Variants in ZNF180 observed in about 807,000 individuals in gnomAD.
The protein encoded by ZNF180 is zinc finger protein 180 (HHZ168).
In ZNF180, 11 loss-of-function variants were observed where a neutral mutation model predicts 11.8. That is an observed-to-expected ratio of 0.93 (90% CI 0.59 to 1.55). The LOEUF (loss-of-function observed/expected upper bound fraction) is 1.55. Ranked by LOEUF, ZNF180 falls within the 40% of genes most tolerant of loss-of-function variation. The pLI is 0.00. For synonymous variants in ZNF180, 287 were observed against 257.7 expected (o/e 1.11, Z -1.09); for missense variants, 773 against 781.7 (o/e 0.99, Z 0.13).
intron 2 of ZNF180, chr19:44,484,637 G>T: frequency 1.7e-6 from 1 of 587,610 alleles, no homozygotes; most frequent in East Asian, 2.9e-5. Flanking sequence ...GGAGCACCAA[G>T]GCCCACAGAT....
intron 2 of ZNF180, among the ~76,000 whole-genome samples, chr19:44,487,819 G>A (rs1448613324): frequency 2.6e-5 from 4 of 152,104 alleles, no homozygotes; most frequent in East Asian, 1.9e-4. Context: ...CTCCACCTCC[G>A]GGGTTCAAGT....
In ZNF180 at chr19:44,497,270, G is replaced by A. The variant is rs368440770; in HGVS notation, c.51+14C>T. 1.3e-6 allele frequency: 2 copies of A among 1,554,824 alleles called. No individual in the cohort carries two copies. Among genetic ancestry groups the A allele is most frequent in the South Asian group, 1.2e-5 (1 of 83,618 alleles). On this transcript the variant is annotated intron_variant, in intron 2 of 4. Coordinates refer to ENST00000592529, the MANE Select transcript of ZNF180 (RefSeq NM_001278509.3). ...CAGGCTGCAGACAGACCCAAGCTCT[G>A]GGTCTCCACTCACCTGTGCACAGAC...
At chr19:44,488,981 C>T (rs1488545765) in intron 2 of ZNF180, among the ~76,000 whole-genome samples, 4 of 150,020 alleles carry the variant, frequency 2.7e-5, no homozygotes, top group African/African-American at 9.9e-5. Flanking sequence ...GTGAGGAGCC[C>T]CTCCGCCCGG....
chr19:44,478,234 T>C, intron 4 of ZNF180, 88 bp from the exon 5 acceptor site: 1 of 1,348,624 alleles, frequency 7.4e-7, no homozygotes, highest in South Asian at 1.6e-5. Context: ...ATGAAAAATA[T>C]ATATGAATTT....
At chr19:44,499,503 A>T (rs1032117387) in intron 1 of ZNF180, among the ~76,000 whole-genome samples, 1 of 152,088 alleles carries the variant, frequency 6.6e-6, no homozygotes, top group African/African-American at 2.4e-5. Context: ...GTCTCTGCCC[A>T]TCTTGAATGC....
intron 2 of ZNF180, among the ~76,000 whole-genome samples, chr19:44,485,390 A>T (rs1272691193): frequency 1.2e-4 from 19 of 152,236 alleles, no homozygotes; most frequent in Admixed American, 1.2e-3. Flanking sequence ...CCATAAGTTC[A>T]CATGGATACC....
At chr19:44,493,303 C>T (rs978101996) in intron 2 of ZNF180, among the ~76,000 whole-genome samples, 3 of 152,202 alleles carry the variant, frequency 2.0e-5, no homozygotes, top group Admixed American at 6.5e-5. Context: ...TCAAGGCCTT[C>T]GCTGGACCAG....
intron 3 of ZNF180, among the ~76,000 whole-genome samples, chr19:44,483,882 C>A (rs1261397406): frequency 1.3e-5 from 2 of 152,112 alleles, no homozygotes; most frequent in East Asian, 3.8e-4. Context: ...TTAAAAAAAA[C>A]CCTCAATCTC....
In ZNF180 at chr19:44,497,731, T is replaced by A. The variant is rs111244856; in HGVS notation, c.-43-354A>T. Among the ~76,000 whole-genome samples, 961 of 152,074 alleles carry A rather than the reference T, an allele frequency of 6.3e-3. 5 individuals are homozygous for A. The highest frequency in any genetic ancestry group is 0.022 in the African/African-American group (898 of 41,470). Reference sequence around the variant, plus strand: ...CTGGGCCCTGGGATCCCCACAAATATCAGGCATATTGAGGACCCCCTGGTG... The same window carrying A: ...CTGGGCCCTGGGATCCCCACAAATAACAGGCATATTGAGGACCCCCTGGTG... On this transcript the variant is annotated intron_variant, in intron 1 of 4. Coordinates refer to ENST00000592529, the MANE Select transcript of ZNF180 (RefSeq NM_001278509.3).
At chr19:44,481,964 A>G (rs1970092489) in intron 3 of ZNF180, among the ~76,000 whole-genome samples, 1 of 152,180 alleles carries the variant, frequency 6.6e-6, no homozygotes, top group Non-Finnish European at 1.5e-5. Context: ...CTCATGCCTG[A>G]AAACTCCTTC....
intron 1 of ZNF180, among the ~76,000 whole-genome samples, chr19:44,499,513 C>T (rs1970681175): frequency 6.6e-6 from 1 of 152,174 alleles, no homozygotes; most frequent in Non-Finnish European, 1.5e-5. Flanking sequence ...ATCTTGAATG[C>T]TCTAGAGCTC....
chr19:44,479,481 T>C (rs1480268500), intron 3 of ZNF180, 72 bp from the exon 4 acceptor site: 4 of 1,590,050 alleles, frequency 2.5e-6, no homozygotes, highest in Admixed American at 3.7e-5. Flanking sequence ...AGGAAAAGTC[T>C]GACAGATGGA....
chr19:44,496,576 G>A (rs918145597), intron 2 of ZNF180: 2 of 150,408 alleles, frequency 1.3e-5, no homozygotes, highest in South Asian at 2.1e-4. Context: ...AGGCGGCTGA[G>A]GCAGGAGGAT....
At chr19:44,479,257 T>G (rs777313218) in intron 4 of ZNF180, 26 bp downstream of exon 4, 6 of 1,600,988 alleles carry the variant, frequency 3.7e-6, no homozygotes, top group Non-Finnish European at 5.1e-6. Context: ...TAGATGGATC[T>G]TCATTAAAGA....
intron 3 of ZNF180, 123 bp downstream of exon 3, chr19:44,484,238 T>C: frequency 1.3e-6 from 1 of 741,296 alleles, no homozygotes; most frequent in East Asian, 2.5e-5. Context: ...GACCTCATGA[T>C]CTGCCCGCCT....
intron 2 of ZNF180, chr19:44,484,797 C>A: frequency 8.2e-6 from 2 of 244,060 alleles, no homozygotes; most frequent in Non-Finnish European, 1.6e-5. Context: ...AAATTATAAG[C>A]AAATAAAATG....
chr19:44,476,921 G>T lies in ZNF180; in HGVS notation c.1479C>A (p.Pro493=), dbSNP rs1409943852. 1.9e-6 allele frequency: 3 copies of T among 1,612,052 alleles called. No homozygotes were observed. In the South Asian group the frequency reaches 3.3e-5, roughly 18 times the overall value. ...AHQRTHTGEK[P]FECNQCGKSF... ...ATTTCCCACACTGATTACATTCAAAGGGTTTTTCTCCTGTGTGAGTTCTCT... is the reference window on the plus strand; with the variant it reads ...ATTTCCCACACTGATTACATTCAAATGGTTTTTCTCCTGTGTGAGTTCTCT... The change falls in exon 5 of 5, where the codon CCC becomes CCA. Residue 493 remains proline (P), a synonymous_variant. Coordinates refer to ENST00000592529, the MANE Select transcript of ZNF180 (RefSeq NM_001278509.3).
intron 3 of ZNF180, among the ~76,000 whole-genome samples, chr19:44,483,995 CTTT>C (rs66671115): frequency 0.085 from 11,593 of 136,554 alleles, 571 homozygotes; most frequent in East Asian, 0.31. Context: ...TTCTTTCTTT[CTTT>C]TTTTTTTTTT....
intron 2 of ZNF180, among the ~76,000 whole-genome samples, chr19:44,488,456 G>A (rs536370575): frequency 0.013 from 2,045 of 152,262 alleles, 43 homozygotes; most frequent in African/African-American, 0.045. Context: ...TGGTGGAGAC[G>A]GGGTTTCGCT....
Sources: gnomAD v4.1 joint callset for allele counts (sites outside exome capture counted in the v4.1 genomes callset) on GRCh38, gnomAD v4.1.1 for gene constraint, MANE v1.5 for transcripts, NCBI Gene and HGNC (gene_info 2026-07-23, HGNC 2026-07-21) for gene names.